Variants in NRG2 observed in about 807,000 individuals in gnomAD.
NRG2 encodes neuregulin 2.
NRG2 carries 27 observed loss-of-function variants against 73.9 expected under a neutral mutation model. That is an observed-to-expected ratio of 0.37 (90% CI 0.27 to 0.50). The LOEUF (loss-of-function observed/expected upper bound fraction) is 0.50. Among genes scored for constraint, NRG2 ranks in the 20% least tolerant of loss-of-function variants. The probability of loss-of-function intolerance (pLI) is 0.96; values close to 1 mark genes in which losing one functional copy is unlikely to be tolerated. For missense variants in NRG2, 1,126 were observed against 1,210.1 expected (o/e 0.93, Z 1.03); for synonymous variants, 532 against 541.0 (o/e 0.98, Z 0.23).
rs566426599 is a variant in NRG2, at chr5:139,915,152, G to A, written c.701-27641C>T. 2.0e-5 allele frequency among the ~76,000 whole-genome samples: 3 copies of A among 152,326 alleles called. No individual in the cohort carries two copies. Among genetic ancestry groups the A allele is most frequent in the South Asian group, 2.1e-4 (1 of 4,832 alleles). On this transcript the variant is annotated intron_variant, in intron 1 of 9. Coordinates refer to ENST00000361474, the MANE Select transcript of NRG2 (RefSeq NM_004883.3). The surrounding 1 kb of genome is among the most constrained non-coding windows in gnomAD (Gnocchi z 4.0). ...CCATTAAGCTTCTTTCAGACAAACC[G>A]GCTTAATGTAATTACGGAAATGGTT...
At chr5:140,038,693 CAGG>C (rs1761688406) in intron 1 of NRG2, among the ~76,000 whole-genome samples, 1 of 152,170 alleles carries the variant, frequency 6.6e-6, no homozygotes, top group South Asian at 2.1e-4. Flanking sequence ...CGCGGCAGGG[CAGG>C]AGAACTAGGA....
intron 1 of NRG2, among the ~76,000 whole-genome samples, chr5:140,040,775 T>C (rs1269174668): frequency 1.3e-5 from 2 of 152,198 alleles, no homozygotes; most frequent in Non-Finnish European, 2.9e-5. Flanking sequence ...AGTATCAAAA[T>C]ACTTAATAGA....
In NRG2 at chr5:139,856,687, C is replaced by G. The variant is rs1761828219; in HGVS notation, c.1190-909G>C. Among the ~76,000 whole-genome samples, 1 of 152,214 alleles carries G rather than the reference C, an allele frequency of 6.6e-6. No homozygotes were observed. The highest frequency in any genetic ancestry group is 1.5e-5 in the Non-Finnish European group (1 of 68,032). On this transcript the variant is annotated intron_variant, in intron 5 of 9. Transcript: ENST00000361474. The surrounding 1 kb of genome is among the most constrained non-coding windows in gnomAD (Gnocchi z 4.2). ...CTTGGGCTTGCAGCATATCCTGTGG[C>G]AAAGGTGTACACACCAGGAAACACC... is the stretch of plus-strand genomic sequence containing the variant.
chr5:139,907,151 C>G (rs34840606), intron 1 of NRG2, among the ~76,000 whole-genome samples: 35,431 of 151,744 alleles, frequency 0.23, 5,079 homozygotes, highest in African/African-American at 0.41. Flanking sequence ...GGTCTGTGGA[C>G]TGATGGTATA....
chr5:139,929,041 T>C lies in NRG2; in HGVS notation c.701-41530A>G, dbSNP rs192329509. 5.3e-4 allele frequency among the ~76,000 whole-genome samples: 81 copies of C among 152,342 alleles called. 1 individual carries two copies. Among genetic ancestry groups the C allele is most frequent in the Non-Finnish European group, 9.6e-4 (65 of 68,034 alleles). The stretch of plus-strand genomic sequence containing the variant: ...ACCCCATGAAAGGTCCCAGACATAG[T>C]TGCTCTATTAGTCTTCCCCCAAAAG... On this transcript the variant is annotated intron_variant, in intron 1 of 9. Transcript: ENST00000361474.
chr5:139,945,321 G>C (rs1188162832), intron 1 of NRG2, among the ~76,000 whole-genome samples: 1 of 151,890 alleles, frequency 6.6e-6, no homozygotes, highest in Non-Finnish European at 1.5e-5. Flanking sequence ...TATTTTCCCA[G>C]ACCAATGTCC....
At chr5:139,968,016 G>T (rs376767396) in intron 1 of NRG2, among the ~76,000 whole-genome samples, 1 of 134,694 alleles carries the variant, frequency 7.4e-6, no homozygotes, top group Non-Finnish European at 1.6e-5. Flanking sequence ...TAAATAAATG[G>T]AGAACAGGAC....
rs147332502 is a variant in NRG2 at position 139,950,906 on chromosome 5, G to A, written c.701-63395C>T. On this transcript the variant is annotated intron_variant, in intron 1 of 9. Coordinates refer to ENST00000361474, the MANE Select transcript of NRG2 (RefSeq NM_004883.3). ...TCCCAGCCACCATCCTAGCTGCATC[G>A]TGACTACTAGCCCAGTCAGTATCCT... Among the ~76,000 whole-genome samples the A allele has an allele frequency of 6.2e-4, 95 of 152,264 alleles. 2 individuals carry two copies. The East Asian group carries it at 0.016, about 26-fold the overall frequency.
chr5:139,988,705 C>T (rs1288301398), intron 1 of NRG2, among the ~76,000 whole-genome samples: 5 of 151,836 alleles, frequency 3.3e-5, no homozygotes, highest in Admixed American at 6.6e-5. Context: ...GATACTATAG[C>T]GAATGTATGT....
chr5:139,891,297 G>A (rs939704248), intron 1 of NRG2, among the ~76,000 whole-genome samples: 2 of 152,202 alleles, frequency 1.3e-5, no homozygotes, highest in African/African-American at 4.8e-5. Context: ...AGAAACAGTA[G>A]GCATGGCCCT....
At position 139,855,700 on chromosome 5, in the gene NRG2, C is replaced by T; in HGVS notation, c.1268G>A (p.Cys423Tyr). The T allele has an allele frequency of 6.2e-7, 1 of 1,614,070 alleles. No individual in the cohort carries two copies. Among genetic ancestry groups the T allele is most frequent in the Non-Finnish European group, 8.5e-7 (1 of 1,179,956 alleles). ...CVALLVVGIVCVVAYCKTKKQ... is the reference protein window; with the variant it reads ...CVALLVVGIVYVVAYCKTKKQ... ...CTTGGTCTTGCAGTAGGCCACCACA[C>T]AGACGATGCCCACGACCAGCAGAGC... is the stretch of plus-strand genomic sequence containing the variant. Residue 423 changes from cysteine (C) to tyrosine (Y), a missense_variant, in exon 6 of 10, where the codon TGT becomes TAT. Physicochemically the swap from Cys to Tyr is radical, Grantham distance 194 (BLOSUM62 -2). Coordinates refer to ENST00000361474, the MANE Select transcript of NRG2 (RefSeq NM_004883.3).
chr5:139,847,483 C>T lies in NRG2; in HGVS notation c.*434G>A, dbSNP rs1286487469. The T allele has an allele frequency of 6.7e-6, 1 of 149,294 alleles. No individual in the cohort carries two copies. Among genetic ancestry groups the T allele is most frequent in the Non-Finnish European group, 1.5e-5 (1 of 67,666 alleles). The allele number at this position is 149,294 out of a possible 1,614,324, so 9.2% of individuals were successfully genotyped here. The stretch of plus-strand genomic sequence containing the variant: ...CTTCCTTAGGGCCAACCCCCCACCG[C>T]CCCCCACCCTCGCCCCCAACAGAAC... On this transcript the variant is annotated 3_prime_UTR_variant, in exon 10 of 10. Coordinates refer to ENST00000361474, the MANE Select transcript of NRG2 (RefSeq NM_004883.3).
chr5:140,025,261 C>T (rs1760593808), intron 1 of NRG2, among the ~76,000 whole-genome samples: 1 of 152,212 alleles, frequency 6.6e-6, no homozygotes, highest in Admixed American at 6.5e-5. Context: ...TCATGCTGTG[C>T]ACATACCTGC....
chr5:139,878,148 C>T (rs1038533766), intron 3 of NRG2, among the ~76,000 whole-genome samples: 1 of 152,240 alleles, frequency 6.6e-6, no homozygotes, highest in South Asian at 2.1e-4. Flanking sequence ...GCACAGCAGC[C>T]GCTCCCACTT....
At chr5:139,893,504 C>T (rs1019709122) in intron 1 of NRG2, among the ~76,000 whole-genome samples, 6 of 152,216 alleles carry the variant, frequency 3.9e-5, no homozygotes, top group African/African-American at 9.6e-5. Context: ...ACTCTGCACC[C>T]ATGGCCATTA....
At chr5:139,974,295 C>T (rs1024561415) in intron 1 of NRG2, among the ~76,000 whole-genome samples, 4 of 151,862 alleles carry the variant, frequency 2.6e-5, no homozygotes, top group Non-Finnish European at 2.9e-5. Flanking sequence ...TCCAAGATTT[C>T]CCCCTTTTCC....
At chr5:139,958,444 C>T (rs566861842) in intron 1 of NRG2, among the ~76,000 whole-genome samples, 2 of 152,282 alleles carry the variant, frequency 1.3e-5, no homozygotes, top group Admixed American at 6.5e-5. Context: ...TAATTACCAG[C>T]CAAGTTTGAA....
intron 1 of NRG2, among the ~76,000 whole-genome samples, chr5:139,972,216 A>G (rs1202032513): frequency 6.6e-6 from 1 of 152,248 alleles, no homozygotes; most frequent in Non-Finnish European, 1.5e-5. Context: ...ATAACAAGTT[A>G]ACTAAAATTT....
In NRG2 at chr5:139,981,720, C is replaced by A. The variant is rs1313652934; in HGVS notation, c.700+60650G>T. Among the ~76,000 whole-genome samples the A allele has an allele frequency of 5.3e-5, 8 of 152,222 alleles. No homozygotes were observed. The East Asian group carries it at 1.5e-3, about 29-fold the overall frequency. ...AGACCCAGTTCAGCATTAGAGGCTC[C>A]AGGCTGCCAGCAAAAAAAGACTCTT... On this transcript the variant is annotated intron_variant, in intron 1 of 9. Coordinates refer to ENST00000361474, the MANE Select transcript of NRG2 (RefSeq NM_004883.3).
Sources: gnomAD v4.1 joint callset for allele counts (sites outside exome capture counted in the v4.1 genomes callset) on GRCh38, gnomAD v4.1.1 for gene constraint, Gnocchi (gnomAD v3.1) non-coding constraint, MANE v1.5 for transcripts, NCBI Gene and HGNC (gene_info 2026-07-23, HGNC 2026-07-21) for gene names.